Variants in PTPRM observed in about 807,000 individuals in gnomAD.
PTPRM encodes receptor-type tyrosine-protein phosphatase mu.
Under a neutral mutation model 186.7 loss-of-function variants are expected in PTPRM, and 47 were observed. The ratio of observed to expected loss-of-function variants is 0.25; its 90% CI spans 0.20 to 0.32. The LOEUF is 0.32. PTPRM is among the 10% of genes least tolerant of loss of function. The pLI, the probability that PTPRM is intolerant of heterozygous loss-of-function variation, is 1.00. For synonymous variants in PTPRM, 668 were observed against 674.9 expected, an observed-to-expected ratio of 0.99 and a Z score of 0.16; for missense variants, 1,494 against 1,865.0, an observed-to-expected ratio of 0.80 and a Z score of 3.66.
intron 7 of PTPRM, among the ~76,000 whole-genome samples, chr18:8,031,228 C>T (rs1256257407): frequency 6.6e-6 from 1 of 152,184 alleles, no homozygotes; most frequent in Admixed American, 6.5e-5. Flanking sequence ...ACTGATGTAA[C>T]CTACTGGAAA....
intron 1 of PTPRM, among the ~76,000 whole-genome samples, chr18:7,682,610 CAAAT>C (rs1476158180): frequency 6.6e-6 from 1 of 152,086 alleles, no homozygotes; most frequent in Admixed American, 6.5e-5. Flanking sequence ...TTAGAGATGA[CAAAT>C]AAAAAGACCC....
chr18:7,820,017 C>G (rs1173070296), intron 2 of PTPRM, among the ~76,000 whole-genome samples: 1 of 152,258 alleles, frequency 6.6e-6, no homozygotes, highest in East Asian at 1.9e-4. Flanking sequence ...AGTCACCAAC[C>G]CCTGTTTGTG....
intron 32 of PTPRM, 67 bp downstream of exon 32, chr18:8,394,678 A>T (rs909609271): frequency 5.0e-5 from 72 of 1,444,444 alleles, no homozygotes; most frequent in Non-Finnish European, 6.6e-5. Context: ...TCCAGCTCCC[A>T]GATTTGCAGG....
intron 1 of PTPRM, among the ~76,000 whole-genome samples, chr18:7,730,336 A>G (rs2040632709): frequency 6.6e-6 from 1 of 152,156 alleles, no homozygotes; most frequent in Non-Finnish European, 1.5e-5. Flanking sequence ...TTTAATGGCC[A>G]GTCATTTCTA....
chr18:7,777,182 C>A (rs2042628648), intron 2 of PTPRM, among the ~76,000 whole-genome samples: 1 of 152,106 alleles, frequency 6.6e-6, no homozygotes, highest in Non-Finnish European at 1.5e-5. Flanking sequence ...TTTATTCTTT[C>A]ATGGGTATGT....
At chr18:8,030,885 C>G (rs992895234) in intron 7 of PTPRM, among the ~76,000 whole-genome samples, 7 of 152,158 alleles carry the variant, frequency 4.6e-5, no homozygotes, top group Non-Finnish European at 1.0e-4. Flanking sequence ...TAAAATCTCA[C>G]AAAAGATGAG....
chr18:7,753,110 A>G (rs919220579), intron 1 of PTPRM, among the ~76,000 whole-genome samples: 4 of 152,144 alleles, frequency 2.6e-5, no homozygotes, highest in Non-Finnish European at 5.9e-5. Flanking sequence ...CTTTCTAGCC[A>G]TATGTATTTG....
At chr18:7,977,364 C>G (rs996073309) in intron 7 of PTPRM, among the ~76,000 whole-genome samples, 7 of 152,238 alleles carry the variant, frequency 4.6e-5, no homozygotes, top group African/African-American at 1.7e-4. Context: ...GCTGGGATTA[C>G]AGGCGTGAGT....
intron 1 of PTPRM, among the ~76,000 whole-genome samples, chr18:7,738,779 C>T (rs891126320): frequency 1.3e-5 from 2 of 152,124 alleles, no homozygotes; most frequent in Non-Finnish European, 2.9e-5. Flanking sequence ...GTGTGACATG[C>T]AGTCAGGTGT....
intron 7 of PTPRM, among the ~76,000 whole-genome samples, chr18:7,986,401 A>G (rs143956483): frequency 2.0e-3 from 307 of 152,352 alleles, no homozygotes; most frequent in Non-Finnish European, 3.4e-3. Context: ...AGAGAAACAC[A>G]GTAGAACTTA....
intron 11 of PTPRM, among the ~76,000 whole-genome samples, chr18:8,099,185 T>C (rs1024275288): frequency 1.3e-5 from 2 of 151,590 alleles, no homozygotes; most frequent in Non-Finnish European, 2.9e-5. Context: ...CTCACTTATT[T>C]CCACTCCCCT....
chr18:8,378,070 G>C, intron 26 of PTPRM, 195 bp from the exon 27 acceptor site: 1 of 559,954 alleles, frequency 1.8e-6, no homozygotes, highest in South Asian at 2.5e-5. Flanking sequence ...GTTTGTATTG[G>C]GTCCGATTGG....
At chr18:8,050,556 C>G (rs2087415406) in intron 7 of PTPRM, among the ~76,000 whole-genome samples, 1 of 151,686 alleles carries the variant, frequency 6.6e-6, no homozygotes, top group African/African-American at 2.4e-5. Flanking sequence ...AGTACATTCA[C>G]TTTCGTAGGC....
chr18:7,656,555 T>C (rs1266518805), intron 1 of PTPRM, among the ~76,000 whole-genome samples: 1 of 152,146 alleles, frequency 6.6e-6, no homozygotes, highest in African/African-American at 2.4e-5. Context: ...TTTTATGTTA[T>C]TTGTATTTTC....
At chr18:7,660,637 C>T (rs895835743) in intron 1 of PTPRM, among the ~76,000 whole-genome samples, 4 of 152,150 alleles carry the variant, frequency 2.6e-5, no homozygotes, top group African/African-American at 4.8e-5. Flanking sequence ...TGAGTTTCTT[C>T]TCTTGGGCCT....
chr18:8,305,385 GCTAACTTTCC>G, intron 20 of PTPRM, among the ~76,000 whole-genome samples: 1 of 151,876 alleles, frequency 6.6e-6, no homozygotes, highest in Non-Finnish European at 1.5e-5. Context: ...ACAAGTGATA[GCTAACTTTCC>G]CTTACTTCTT....
chr18:7,625,841 G>C (rs2038048419), intron 1 of PTPRM, among the ~76,000 whole-genome samples: 1 of 152,186 alleles, frequency 6.6e-6, no homozygotes. Context: ...GGCCAAGGGG[G>C]TTTGTTCATC....
chr18:7,965,947 T>A (rs2054014790), intron 7 of PTPRM, among the ~76,000 whole-genome samples: 1 of 152,240 alleles, frequency 6.6e-6, no homozygotes, highest in Non-Finnish European at 1.5e-5. Flanking sequence ...ATGCTGCTTG[T>A]GCTTTTAAAA....
chr18:8,100,254 G>T (rs1052640282), intron 11 of PTPRM, among the ~76,000 whole-genome samples: 1 of 152,104 alleles, frequency 6.6e-6, no homozygotes, highest in Non-Finnish European at 1.5e-5. Flanking sequence ...TTCTTCTTCT[G>T]CCTCAGCCTC....
Sources: allele counts gnomAD v4.1 joint callset (sites outside exome capture counted in the v4.1 genomes callset), GRCh38; gene constraint gnomAD v4.1.1; transcripts MANE v1.5; gene names NCBI Gene and HGNC (gene_info 2026-07-23, HGNC 2026-07-21).